SART3: variants seen among roughly 807,000 people sequenced by gnomAD.
SART3 encodes the protein spliceosome associated factor 3, U4/U6 recycling protein.
Under a neutral mutation model 122.3 loss-of-function variants are expected in SART3, and 44 were observed. The ratio of observed to expected loss-of-function variants is 0.36; its 90% CI spans 0.28 to 0.46. The LOEUF (loss-of-function observed/expected upper bound fraction) is 0.46. Ranked by LOEUF, SART3 falls within the 20% of genes least tolerant of loss-of-function variation. The pLI, the probability that SART3 is intolerant of heterozygous loss-of-function variation, is 1.00. For synonymous variants in SART3, 442 were observed against 454.0 expected (o/e 0.97, Z 0.34); for missense variants, 1,101 against 1,229.0 (o/e 0.90, Z 1.56).
chr12:108,541,232 C>A (rs541437196), intron 6 of SART3, among the ~76,000 whole-genome samples: 26 of 152,216 alleles, frequency 1.7e-4, no homozygotes, highest in Non-Finnish European at 3.4e-4. Flanking sequence ...CATGGCGAAA[C>A]CCCGTCTCTA....
At chr12:108,524,262 G>A in intron 18 of SART3, 54 bp downstream of exon 18, 1 of 1,448,132 alleles carries the variant, frequency 6.9e-7, no homozygotes, top group Non-Finnish European at 9.7e-7. Context: ...CGTGATCCAT[G>A]AACTGGTGCC....
In SART3 at chr12:108,523,325, A is replaced by G; in HGVS notation, c.*132T>C. ...TTAGAACCCCTTCCCCTTTCTGTCT[A>G]AAGCCGAGGAGCCATCTGTGGTTGC... On this transcript the variant is annotated 3_prime_UTR_variant, in exon 19 of 19. Coordinates refer to ENST00000546815, the MANE Select transcript of SART3 (RefSeq NM_014706.4). The G allele has an allele frequency of 1.1e-6, 1 of 946,192 alleles. No homozygotes were observed. Among genetic ancestry groups the G allele is most frequent in the South Asian group, 1.3e-5 (1 of 76,622 alleles). 58.6% of individuals were successfully genotyped at this position (946,192 alleles called of 1,614,324 possible).
chr12:108,536,479 T>C (rs752430581), intron 11 of SART3, 35 bp downstream of exon 11: 8 of 1,601,616 alleles, frequency 5.0e-6, no homozygotes, highest in East Asian at 4.5e-5. Context: ...TAAACAATGA[T>C]GGATGAAAGT....
intron 1 of SART3, among the ~76,000 whole-genome samples, chr12:108,553,617 A>G (rs2030093151): frequency 6.6e-6 from 1 of 152,144 alleles, no homozygotes; most frequent in Admixed American, 6.5e-5. Context: ...CTGACAACAT[A>G]CCCTAATAAT....
In SART3 at chr12:108,544,296, T is replaced by C. The variant is rs1873304654; in HGVS notation, c.781+131A>G. 9 of 848,954 alleles carry C rather than the reference T, an allele frequency of 1.1e-5. 1 individual carries two copies. The highest frequency in any genetic ancestry group is 1.0e-4 in the Admixed American group (6 of 58,968). 52.6% of individuals were successfully genotyped at this position (848,954 alleles called of 1,614,324 possible). A position where few individuals can be genotyped will look rare whatever the true frequency, so the allele number is the denominator to read the frequency against. On this transcript the variant is annotated intron_variant, in intron 5 of 18. Transcript: ENST00000546815. Reference sequence around the variant, plus strand: ...CCAAGGACCTCATCCAAAGAGACAATATCCAAGGAGAGTAAGAACACCAGC... The same window carrying C: ...CCAAGGACCTCATCCAAAGAGACAACATCCAAGGAGAGTAAGAACACCAGC...
At position 108,539,000 on chromosome 12, in the gene SART3, G is replaced by A. The variant is rs745602825; in HGVS notation, c.996C>T (p.Ile332=). The A allele has an allele frequency of 9.3e-6, 15 of 1,614,096 alleles. No individual in the cohort carries two copies. Among genetic ancestry groups the A allele is most frequent in the Non-Finnish European group, 1.3e-5 (15 of 1,180,038 alleles). Residue 332 remains isoleucine (I), a synonymous_variant, in exon 7 of 19, where the codon ATC becomes ATT. Transcript: ENST00000546815. ...KIGDPARIQL[I]FERALVENCL... ...AGTTCTCGACCAGGGCGCGCTCAAA[G>A]ATCAACTGAATGCGAGCAGGATCGC...
intron 2 of SART3, among the ~76,000 whole-genome samples, 196 bp from the exon 3 acceptor site, chr12:108,548,187 CATA>C (rs1363241438): frequency 1.3e-5 from 2 of 152,224 alleles, no homozygotes; most frequent in Non-Finnish European, 2.9e-5. Context: ...TCACTAAAAT[CATA>C]ATATCCTCCA....
At chr12:108,532,368 G>C in intron 12 of SART3, 34 bp from the exon 13 acceptor site, 1 of 1,589,514 alleles carries the variant, frequency 6.3e-7, no homozygotes, top group Non-Finnish European at 8.6e-7. Flanking sequence ...CTGCCACCAG[G>C]ACACAAAGTG....
At chr12:108,537,736 G>A in intron 8 of SART3, 141 bp from the exon 9 acceptor site, 2 of 756,708 alleles carry the variant, frequency 2.6e-6, no homozygotes, top group Non-Finnish European at 4.6e-6. Context: ...AGACAGGAAT[G>A]TTGAAGACAG....
chr12:108,543,058 C>T lies in SART3; in HGVS notation c.876G>A (p.Leu292=). The T allele has an allele frequency of 2.5e-6, 4 of 1,614,202 alleles. No individual in the cohort carries two copies. Among genetic ancestry groups the T allele is most frequent in the Non-Finnish European group, 3.4e-6 (4 of 1,180,024 alleles). The change falls in exon 6 of 19, where the codon CTG becomes CTA. Residue 292 remains leucine (L), a synonymous_variant. Coordinates refer to ENST00000546815, the MANE Select transcript of SART3 (RefSeq NM_014706.4). The part of the protein sequence containing the change: ...IQNYNKALQQ[L]EKYKPYEEAL... ...CTTCTTCATAGGGTTTATATTTCTC[C>T]AGCTGCTGTAGTGCTTTGTTATAGT...
chr12:108,557,761 T>C (rs1172949907), intron 1 of SART3, among the ~76,000 whole-genome samples: 4 of 152,234 alleles, frequency 2.6e-5, no homozygotes, highest in African/African-American at 9.6e-5. Context: ...CTGACAAATC[T>C]GCCGAAGCCA....
intron 15 of SART3, among the ~76,000 whole-genome samples, chr12:108,527,174 G>A (rs1872425341): frequency 6.6e-6 from 1 of 152,178 alleles, no homozygotes; most frequent in South Asian, 2.1e-4. Context: ...TGCAACGTAA[G>A]CCCTGCACAC....
intron 1 of SART3, among the ~76,000 whole-genome samples, chr12:108,557,316 C>T (rs896878997): frequency 1.4e-5 from 2 of 145,746 alleles, no homozygotes; most frequent in African/African-American, 5.1e-5. Context: ...CGGGTTCAGG[C>T]GATTCTCCTG....
At chr12:108,524,052 TTAAAA>T (rs1348556261) in intron 18 of SART3, 2 of 573,698 alleles carry the variant, frequency 3.5e-6, no homozygotes, top group Non-Finnish European at 6.2e-6. Context: ...AAAGGGGACT[TTAAAA>T]TAATCACTGC....
intron 15 of SART3, 97 bp downstream of exon 15, chr12:108,530,045 G>T: frequency 7.3e-7 from 1 of 1,375,022 alleles, no homozygotes. Context: ...TGGGTATCAA[G>T]CTGGTAACGG....
chr12:108,531,886 G>A (rs1049830682), intron 13 of SART3: 2 of 358,106 alleles, frequency 5.6e-6, no homozygotes, highest in Non-Finnish European at 1.1e-5. Context: ...GACATTTCTG[G>A]TTGTCATGTT....
rs763332490 is a variant in SART3, at chr12:108,525,474, G to A, written c.2506C>T (p.Arg836Trp). ...TVKDLRLVTN[R>W]AGKPKGLAYV... ...ACTCTGACCTTTGGTTTGCCAGCCCGGTTGGTGACCAGCCTGAGGTCCTTC... is the reference window on the plus strand; with the variant it reads ...ACTCTGACCTTTGGTTTGCCAGCCCAGTTGGTGACCAGCCTGAGGTCCTTC... Residue 836 changes from arginine (R) to tryptophan (W), a missense_variant, in exon 17 of 19, where the codon CGG becomes TGG. Around this residue, in one of 2 missense-constraint regions of SART3, gnomAD observed 885 missense variants for 1,080.1 expected, o/e 0.82. Coordinates refer to ENST00000546815, the MANE Select transcript of SART3 (RefSeq NM_014706.4). 17 of 1,614,050 alleles carry A rather than the reference G, an allele frequency of 1.1e-5. No homozygotes were observed. Among genetic ancestry groups the A allele is most frequent in the Admixed American group, 1.7e-5 (1 of 60,010 alleles).
At chr12:108,527,626 T>A (rs1458147889) in intron 15 of SART3, among the ~76,000 whole-genome samples, 1 of 152,194 alleles carries the variant, frequency 6.6e-6, no homozygotes, top group East Asian at 1.9e-4. Flanking sequence ...CCATCCTCAG[T>A]CATTTAGGAA....
chr12:108,535,712 C>T (rs1425044023), intron 11 of SART3: 1 of 506,626 alleles, frequency 2.0e-6, no homozygotes, highest in African/African-American at 1.9e-5. Flanking sequence ...GCGCACGGTA[C>T]TTACTCGACA....
Sources: gnomAD v4.1 joint callset for allele counts (sites outside exome capture counted in the v4.1 genomes callset) on GRCh38, gnomAD v4.1.1 for gene constraint, gnomAD v4.1.1 regional missense constraint, MANE v1.5 for transcripts, NCBI Gene and HGNC (gene_info 2026-07-23, HGNC 2026-07-21) for gene names.